The following ALDH1A2 variants were observed in gnomAD, a reference collection of about 807,000 sequenced individuals.
ALDH1A2 encodes aldehyde dehydrogenase 1 family member A2, also known as retinal dehydrogenase 2.
A neutral mutation model predicts 60.3 loss-of-function variants in ALDH1A2; 27 were observed. The observed-to-expected ratio is 0.45, with a 90% confidence interval of 0.33 to 0.62. ALDH1A2 has a LOEUF of 0.62. Among genes scored for constraint, ALDH1A2 ranks in the 20% least tolerant of loss-of-function variants. The pLI is 0.02. For synonymous variants in ALDH1A2, 289 were observed against 232.4 expected (o/e 1.24, Z -2.21); for missense variants, 581 against 643.8 (o/e 0.90, Z 1.06).
At chr15:58,063,608 A>T (rs1249135457) in intron 1 of ALDH1A2, among the ~76,000 whole-genome samples, 1 of 152,160 alleles carries the variant, frequency 6.6e-6, no homozygotes, top group Admixed American at 6.5e-5. Flanking sequence ...TAGAAGTCTC[A>T]CTAAAGAGCT....
intron 1 of ALDH1A2, among the ~76,000 whole-genome samples, chr15:58,043,116 A>G (rs1385677809): frequency 6.6e-6 from 1 of 151,882 alleles, no homozygotes; most frequent in African/African-American, 2.4e-5. Flanking sequence ...CAGCTTCTCT[A>G]GCCCTCAATT....
intron 4 of ALDH1A2, among the ~76,000 whole-genome samples, chr15:58,000,701 T>G (rs1220909991): frequency 3.9e-5 from 6 of 151,904 alleles, no homozygotes; most frequent in African/African-American, 1.4e-4. Context: ...TGCTATATGG[T>G]GATTCTCAAA....
At chr15:57,965,538 A>T (rs1893865898) in intron 8 of ALDH1A2, among the ~76,000 whole-genome samples, 187 bp downstream of exon 8, 1 of 152,154 alleles carries the variant, frequency 6.6e-6, no homozygotes, top group African/African-American at 2.4e-5. Context: ...CTAGAAAACA[A>T]CTGGTTCAGT....
intron 7 of ALDH1A2, among the ~76,000 whole-genome samples, chr15:57,972,663 T>G (rs1283723824): frequency 2.0e-5 from 3 of 152,188 alleles, no homozygotes; most frequent in African/African-American, 7.2e-5. Flanking sequence ...TCTTCAGTCT[T>G]CAAGTTTTAA....
chr15:58,064,622 A>G (rs527329362), intron 1 of ALDH1A2, among the ~76,000 whole-genome samples: 1 of 152,354 alleles, frequency 6.6e-6, no homozygotes, highest in East Asian at 1.9e-4. Context: ...ATCAAACCAG[A>G]GAACTACAAA....
chr15:58,058,698 C>G (rs12914603), intron 1 of ALDH1A2, among the ~76,000 whole-genome samples: 76,658 of 151,854 alleles, frequency 0.5, 19,855 homozygotes, highest in Non-Finnish European at 0.57. Context: ...TCTCTTTCCA[C>G]AGTTGTAGTG....
Position 57,977,162 on chromosome 15 carries a change from G to A in ALDH1A2, c.799-11335C>T, listed in dbSNP as rs187434882. 3.1e-3 allele frequency among the ~76,000 whole-genome samples: 465 copies of A among 151,744 alleles called. 3 individuals carry two copies. Among genetic ancestry groups the A allele is most frequent in the African/African-American group, 0.011 (446 of 41,322 alleles). On this transcript the variant is annotated intron_variant, in intron 7 of 12. Coordinates refer to ENST00000249750, the MANE Select transcript of ALDH1A2 (RefSeq NM_003888.4). ...GAGTCTGGATATTAGCCCTTTGTCAGATGAGTAGATTGCAAAAACTTTGTC... is the reference window on the plus strand; with the variant it reads ...GAGTCTGGATATTAGCCCTTTGTCAAATGAGTAGATTGCAAAAACTTTGTC...
At chr15:58,047,207 C>T (rs1595688835) in intron 1 of ALDH1A2, among the ~76,000 whole-genome samples, 2 of 152,032 alleles carry the variant, frequency 1.3e-5, no homozygotes, top group Non-Finnish European at 2.9e-5. Flanking sequence ...TGACATAAAG[C>T]TGCCATGTTT....
At chr15:58,063,903 C>T (rs185713799) in intron 1 of ALDH1A2, among the ~76,000 whole-genome samples, 1 of 152,198 alleles carries the variant, frequency 6.6e-6, no homozygotes, top group Admixed American at 6.5e-5. Context: ...AGTTGTCTTT[C>T]CTACTGGGGG....
chr15:58,046,004 G>C (rs1436670768), intron 1 of ALDH1A2, among the ~76,000 whole-genome samples: 2 of 151,798 alleles, frequency 1.3e-5, no homozygotes, highest in Non-Finnish European at 2.9e-5. Flanking sequence ...TAGATTCTGG[G>C]CACCATGGCA....
chr15:58,018,155 T>C (rs1895835040), intron 1 of ALDH1A2, among the ~76,000 whole-genome samples: 5 of 152,040 alleles, frequency 3.3e-5, no homozygotes. Context: ...TTGTGGTGCC[T>C]GAAATCAAGT....
At chr15:57,998,515 AAGG>A (rs575786082) in intron 4 of ALDH1A2, among the ~76,000 whole-genome samples, 111 of 152,256 alleles carry the variant, frequency 7.3e-4, no homozygotes, top group Non-Finnish European at 1.3e-3. Context: ...GGACCTCTTC[AAGG>A]AGAACTAAAA....
At chr15:57,984,214 C>G (rs1356876794) in intron 7 of ALDH1A2, among the ~76,000 whole-genome samples, 4 of 152,174 alleles carry the variant, frequency 2.6e-5, no homozygotes, top group African/African-American at 9.7e-5. Context: ...CCCCTCTTAG[C>G]CACACTTTGC....
At chr15:57,983,733 C>A (rs1311759036) in intron 7 of ALDH1A2, among the ~76,000 whole-genome samples, 1 of 152,166 alleles carries the variant, frequency 6.6e-6, no homozygotes, top group Non-Finnish European at 1.5e-5. Flanking sequence ...CCATAACACA[C>A]CACACTCTAA....
chr15:57,960,679 G>C (rs1893688196), intron 12 of ALDH1A2, 91 bp downstream of exon 12: 1 of 1,096,594 alleles, frequency 9.1e-7, no homozygotes. Context: ...GTATGGATGA[G>C]TGTAAGATAA....
chr15:58,036,625 C>T (rs1315992039), intron 1 of ALDH1A2: 1 of 151,494 alleles, frequency 6.6e-6, no homozygotes, highest in Non-Finnish European at 1.5e-5. Context: ...GAAGACACTG[C>T]AAAATATATA....
chr15:58,052,799 G>T (rs1896808177), intron 1 of ALDH1A2, among the ~76,000 whole-genome samples: 1 of 152,090 alleles, frequency 6.6e-6, no homozygotes, highest in Non-Finnish European at 1.5e-5. Flanking sequence ...GCTCTGCAAG[G>T]TACACTGAAA....
Position 58,061,595 on chromosome 15 carries a change from C to CAAAAAAAAAAAAAAAAAAAA in ALDH1A2, c.117+3938_117+3939insTTTTTTTTTTTTTTTTTTTT, listed in dbSNP as rs879500544. On this transcript the variant is annotated intron_variant, in intron 1 of 12. Coordinates refer to ENST00000249750, the MANE Select transcript of ALDH1A2 (RefSeq NM_003888.4). ...ATATAAAGATTTAAACTCCTTCCCT[C>CAAAAAAAAAAAAAAAAAAAA]AAAAAAAAAAAAAACAAAAAAAAAA... Among the ~76,000 whole-genome samples, 7 of 43,316 alleles carry CAAAAAAAAAAAAAAAAAAAA rather than the reference C, an allele frequency of 1.6e-4. 1 individual carries two copies. The highest frequency in any genetic ancestry group is 3.0e-4 in the Non-Finnish European group (6 of 20,168). 28.4% of individuals were successfully genotyped at this position (43,316 alleles called of 152,430 possible).
intron 1 of ALDH1A2, among the ~76,000 whole-genome samples, chr15:58,028,172 T>C (rs573436398): frequency 6.6e-6 from 1 of 152,106 alleles, no homozygotes; most frequent in Non-Finnish European, 1.5e-5. Flanking sequence ...TACCCACAAA[T>C]GGAAGCCCAT....
Sources: allele counts gnomAD v4.1 joint callset (sites outside exome capture counted in the v4.1 genomes callset), GRCh38; gene constraint gnomAD v4.1.1; transcripts MANE v1.5; gene names NCBI Gene and HGNC (gene_info 2026-07-23, HGNC 2026-07-21).